The following AK4 variants were observed in gnomAD, a reference collection of about 807,000 sequenced individuals.
AK4 encodes the protein adenylate kinase 4, mitochondrial.
A neutral mutation model predicts 24.6 loss-of-function variants in AK4; 13 were observed. The ratio of observed to expected loss-of-function variants is 0.53; its 90% CI spans 0.34 to 0.84. The LOEUF (loss-of-function observed/expected upper bound fraction) is 0.84. Ranked by LOEUF, AK4 falls within the 40% of genes least tolerant of loss-of-function variation. The probability of loss-of-function intolerance (pLI) is 0.01; values close to 1 mark genes in which losing one functional copy is unlikely to be tolerated. For synonymous variants in AK4, 88 were observed against 107.0 expected (o/e 0.82, Z 1.10); for missense variants, 192 against 288.2 (o/e 0.67, Z 2.42).
chr1:65,157,405 A>G (rs1382288832), intron 1 of AK4, among the ~76,000 whole-genome samples: 1 of 152,158 alleles, frequency 6.6e-6, no homozygotes, highest in Non-Finnish European at 1.5e-5. Context: ...TGGGATGCAA[A>G]GAGGTGAAAC....
intron 2 of AK4, 27 bp downstream of exon 2, chr1:65,190,856 A>G (rs758802413): frequency 6.2e-7 from 1 of 1,610,906 alleles, no homozygotes; most frequent in South Asian, 1.1e-5. Flanking sequence ...GGTAAACCGA[A>G]TTTCTGGGAA....
intron 2 of AK4, among the ~76,000 whole-genome samples, chr1:65,197,019 C>CT (rs951336517): frequency 1.2e-4 from 19 of 152,214 alleles, no homozygotes; most frequent in African/African-American, 4.3e-4. Flanking sequence ...TCTCATGAAA[C>CT]TTACTGACTA....
At chr1:65,198,404 TTA>T (rs1466833187) in intron 2 of AK4, among the ~76,000 whole-genome samples, 9 of 152,216 alleles carry the variant, frequency 5.9e-5, no homozygotes, top group African/African-American at 1.4e-4. Flanking sequence ...GTAAGCATTA[TTA>T]TATCTAATGG....
At chr1:65,221,638 TGGGTGGGAATAAAAA>T (rs1364244268) in intron 3 of AK4, among the ~76,000 whole-genome samples, 1 of 151,936 alleles carries the variant, frequency 6.6e-6, no homozygotes, top group African/African-American at 2.4e-5. Flanking sequence ...GGGGGAAAAA[TGGGTGGGAATAAAAA>T]AGGAGTTCTG....
intron 1 of AK4, among the ~76,000 whole-genome samples, chr1:65,183,929 T>A (rs1651001237): frequency 3.9e-5 from 6 of 152,204 alleles, no homozygotes; most frequent in Admixed American, 3.9e-4. Context: ...GAATTGAGGC[T>A]AACAAAATAT....
intron 2 of AK4, among the ~76,000 whole-genome samples, chr1:65,194,482 T>C (rs1473544132): frequency 2.0e-5 from 3 of 152,206 alleles, no homozygotes; most frequent in Admixed American, 2.0e-4. Context: ...CTTTTTTTTT[T>C]TGAGATGAAG....
chr1:65,200,834 G>C (rs544822253), intron 2 of AK4, among the ~76,000 whole-genome samples: 11 of 149,384 alleles, frequency 7.4e-5, no homozygotes, highest in Non-Finnish European at 1.5e-4. Flanking sequence ...GTCTCGCTCT[G>C]TCCCAGGCTG....
At chr1:65,152,120 T>C (rs893875735) in intron 1 of AK4, among the ~76,000 whole-genome samples, 1 of 151,956 alleles carries the variant, frequency 6.6e-6, no homozygotes, top group Admixed American at 6.6e-5. Context: ...TAATGATAGA[T>C]TCTTTTATTG....
chr1:65,197,661 T>C (rs1262528475), intron 2 of AK4, among the ~76,000 whole-genome samples: 1 of 152,246 alleles, frequency 6.6e-6, no homozygotes, highest in Non-Finnish European at 1.5e-5. Flanking sequence ...GAGATGTTCC[T>C]GGCTACGCAC....
chr1:65,225,895 T>C (rs144902011), intron 4 of AK4, among the ~76,000 whole-genome samples, 168 bp from the exon 5 acceptor site: 14 of 152,310 alleles, frequency 9.2e-5, no homozygotes, highest in Non-Finnish European at 1.2e-4. Flanking sequence ...ACCTTATTTA[T>C]GTACACCCAG....
At chr1:65,158,216 C>G (rs1029580318) in intron 1 of AK4, among the ~76,000 whole-genome samples, 1 of 152,130 alleles carries the variant, frequency 6.6e-6, no homozygotes, top group Middle Eastern at 3.2e-3. Context: ...ACTTCTGGAA[C>G]TGAAGGATGG....
At position 65,228,832 on chromosome 1, in the gene AK4, C is replaced by G. The variant is rs1318118940; in HGVS notation, c.*2655C>G. The G allele has an allele frequency of 8.6e-5, 13 of 151,996 alleles. No individual in the cohort carries two copies. The allele number at this position is 151,996 out of a possible 1,614,324, so 9.4% of individuals were successfully genotyped here. The stretch of plus-strand genomic sequence containing the variant: ...TGACCTCGCATTCTGTCATTCTACC[C>G]AGCTCTTAATTCAATTTGCTTCCAT... On this transcript the variant is annotated 3_prime_UTR_variant, in exon 5 of 5. Transcript: ENST00000327299.
chr1:65,169,707 T>A (rs973952100), intron 1 of AK4, among the ~76,000 whole-genome samples: 2 of 152,150 alleles, frequency 1.3e-5, no homozygotes, highest in Non-Finnish European at 2.9e-5. Flanking sequence ...AAATTTCAAA[T>A]AAATTCCAGA....
chr1:65,195,746 G>A (rs1163590674), intron 2 of AK4, among the ~76,000 whole-genome samples: 1 of 152,238 alleles, frequency 6.6e-6, no homozygotes, highest in Non-Finnish European at 1.5e-5. Context: ...TATAAGTGCT[G>A]TATGAGTGTT....
intron 1 of AK4, among the ~76,000 whole-genome samples, chr1:65,174,034 T>A (rs1570089059): frequency 6.6e-6 from 1 of 152,130 alleles, no homozygotes; most frequent in East Asian, 1.9e-4. Context: ...CTCCCCTGGC[T>A]TAGGTTCAGC....
chr1:65,176,024 T>C (rs1650703285), intron 1 of AK4, among the ~76,000 whole-genome samples: 1 of 152,212 alleles, frequency 6.6e-6, no homozygotes, highest in Non-Finnish European at 1.5e-5. Context: ...CTTATGAAGC[T>C]CCAGTATCTT....
chr1:65,191,461 TAGG>T (rs1651303254), intron 2 of AK4, among the ~76,000 whole-genome samples: 1 of 151,716 alleles, frequency 6.6e-6, no homozygotes, highest in Non-Finnish European at 1.5e-5. Flanking sequence ...ATTCTGTTGG[TAGG>T]AGGAGGGGTT....
At chr1:65,175,929 A>T (rs1311175763) in intron 1 of AK4, among the ~76,000 whole-genome samples, 1 of 152,180 alleles carries the variant, frequency 6.6e-6, no homozygotes, top group East Asian at 1.9e-4. Flanking sequence ...ATTACACCAG[A>T]TGTTCATGGT....
intron 1 of AK4, among the ~76,000 whole-genome samples, chr1:65,184,772 G>A (rs1164166417): frequency 6.6e-6 from 1 of 152,182 alleles, no homozygotes; most frequent in Non-Finnish European, 1.5e-5. Flanking sequence ...ATTGTAGTTT[G>A]CTGTTGTCAT....
Sources: allele counts gnomAD v4.1 joint callset (sites outside exome capture counted in the v4.1 genomes callset), GRCh38; gene constraint gnomAD v4.1.1; transcripts MANE v1.5; gene names NCBI Gene and HGNC (gene_info 2026-07-23, HGNC 2026-07-21).